The following ZNF16 variants were observed in gnomAD, a reference collection of about 807,000 sequenced individuals.
ZNF16 encodes the protein zinc finger protein 16.
Under a neutral mutation model 9.0 loss-of-function variants are expected in ZNF16, and 7 were observed. The observed-to-expected ratio is 0.78, with a 90% CI of 0.44 to 1.47. The LOEUF is 1.47. Among genes scored for constraint, ZNF16 ranks in the 40% most tolerant of loss-of-function variants. ZNF16 has a pLI of 0.01. For synonymous variants in ZNF16, 312 were observed against 301.5 expected (o/e 1.03, Z -0.36); for missense variants, 830 against 854.2 (o/e 0.97, Z 0.35).
At chr8:144,937,616 TC>T (rs1409941398) in intron 2 of ZNF16, among the ~76,000 whole-genome samples, 4 of 152,178 alleles carry the variant, frequency 2.6e-5, no homozygotes, top group Non-Finnish European at 4.4e-5. Context: ...AGTTGTTAGC[TC>T]TTATATTTAG....
At chr8:144,949,709 G>A (rs964648551) in intron 1 of ZNF16, among the ~76,000 whole-genome samples, 10 of 152,144 alleles carry the variant, frequency 6.6e-5, no homozygotes, top group African/African-American at 1.2e-4. Context: ...AAAAGTCATC[G>A]CCATTCTCCA....
At chr8:144,945,300 G>C (rs150993560) in intron 2 of ZNF16, 3,610 of 152,040 alleles carry the variant, frequency 0.024, 116 homozygotes, top group African/African-American at 0.071. Context: ...CACCACACCT[G>C]GCTAATTTTT....
intron 2 of ZNF16, among the ~76,000 whole-genome samples, chr8:144,943,458 A>T (rs1833850422): frequency 6.6e-6 from 1 of 151,908 alleles, no homozygotes; most frequent in Admixed American, 6.6e-5. Flanking sequence ...TCCTTCTTGA[A>T]CATCCCTACT....
In ZNF16 at chr8:144,930,700, G is replaced by A. The variant is rs766027964; in HGVS notation, c.*38C>T. ...CAATGGCCAAAGAGGAGTTGGAGAGGAAACTATGCTCGGTTTCACTCCTGC... is the reference window on the plus strand; with the variant it reads ...CAATGGCCAAAGAGGAGTTGGAGAGAAAACTATGCTCGGTTTCACTCCTGC... On this transcript the variant is annotated 3_prime_UTR_variant, in exon 3 of 3. Coordinates refer to ENST00000394909, the MANE Select transcript of ZNF16 (RefSeq NM_006958.3). 1 of 1,513,644 alleles carries A rather than the reference G, an allele frequency of 6.6e-7. No homozygotes were observed. Among genetic ancestry groups the A allele is most frequent in the African/African-American group, 1.4e-5 (1 of 71,544 alleles). 93.8% of individuals were successfully genotyped at this position (1,513,644 alleles called of 1,614,324 possible). A position where few individuals can be genotyped will look rare whatever the true frequency, so the allele number is the denominator to read the frequency against.
At chr8:144,939,561 A>G (rs1833754735) in intron 2 of ZNF16, among the ~76,000 whole-genome samples, 1 of 136,572 alleles carries the variant, frequency 7.3e-6, no homozygotes, top group East Asian at 2.2e-4. Flanking sequence ...GTGCCACTGC[A>G]CTCCAGCCTG....
chr8:144,935,138 G>C (rs1482003481), intron 2 of ZNF16, among the ~76,000 whole-genome samples: 1 of 152,062 alleles, frequency 6.6e-6, no homozygotes, highest in Non-Finnish European at 1.5e-5. Context: ...TATAAGAATT[G>C]TGGGGAAAAA....
intron 1 of ZNF16, among the ~76,000 whole-genome samples, chr8:144,947,173 G>C (rs1833977124): frequency 7.1e-6 from 1 of 140,066 alleles, no homozygotes; most frequent in Admixed American, 7.0e-5. Context: ...CCTGCTGTGG[G>C]CCTGTGTCCT....
chr8:144,934,221 T>G (rs1833628433), intron 2 of ZNF16, among the ~76,000 whole-genome samples: 1 of 152,216 alleles, frequency 6.6e-6, no homozygotes, highest in African/African-American at 2.4e-5. Context: ...TGTCTCTTGG[T>G]GACACTTCAT....
At chr8:144,934,367 G>A (rs921076587) in intron 2 of ZNF16, among the ~76,000 whole-genome samples, 41 of 152,366 alleles carry the variant, frequency 2.7e-4, no homozygotes, top group Middle Eastern at 3.4e-3. Flanking sequence ...CTACGTGCCA[G>A]CACACAGATG....
chr8:144,939,626 T>C (rs1833758189), intron 2 of ZNF16, among the ~76,000 whole-genome samples: 1 of 144,118 alleles, frequency 6.9e-6, no homozygotes, highest in Non-Finnish European at 1.5e-5. Context: ...AAAAAAGCCA[T>C]TGTGGTCCTG....
rs770176280 is a variant in ZNF16 at position 144,930,999 on chromosome 8, A to G, written c.1788T>C (p.Thr596=). 1.2e-6 allele frequency: 2 copies of G among 1,614,214 alleles called. No individual in the cohort carries two copies. Among genetic ancestry groups the G allele is most frequent in the Non-Finnish European group, 1.7e-6 (2 of 1,180,036 alleles). ...CAACACAGGTGTAGGGTTTTTCCCCAGTATGAACTTTCTGGTGGTGAATGA... is the reference window on the plus strand; with the variant it reads ...CAACACAGGTGTAGGGTTTTTCCCCGGTATGAACTTTCTGGTGGTGAATGA... ...SNLIHHQKVH[T]GEKPYTCVEC... The change falls in exon 3 of 3, where the codon ACT becomes ACC. Residue 596 remains threonine (T), a synonymous_variant. Transcript: ENST00000394909.
At chr8:144,935,670 C>T (rs1833665339) in intron 2 of ZNF16, among the ~76,000 whole-genome samples, 1 of 152,202 alleles carries the variant, frequency 6.6e-6, no homozygotes, top group South Asian at 2.1e-4. Context: ...GAAGAGGAAA[C>T]ACATCTTTAT....
intron 1 of ZNF16, chr8:144,948,494 TGATGTAATA>T (rs1052275893): frequency 2.6e-5 from 4 of 152,214 alleles, no homozygotes; most frequent in African/African-American, 9.7e-5. Flanking sequence ...ATCCAAGTGG[TGATGTAATA>T]ATCTGCAATA....
chr8:144,934,365 C>T (rs537002433), intron 2 of ZNF16, among the ~76,000 whole-genome samples: 63 of 152,380 alleles, frequency 4.1e-4, no homozygotes, highest in African/African-American at 1.3e-3. Flanking sequence ...CCCTACGTGC[C>T]AGCACACAGA....
chr8:144,946,180 C>T lies in ZNF16; in HGVS notation c.27G>A (p.Glu9=). The stretch of plus-strand genomic sequence containing the variant: ...GAACTGAGAGCTCCATCTCTGCCTC[C>T]TCACGGCGAGTTCTGAGGCTGGGCA... MPSLRTRR[E]EAEMELSVPG... Residue 9 remains glutamate (E), a synonymous_variant, in exon 2 of 3, where the codon GAG becomes GAA. Transcript: ENST00000394909. 6.5e-7 allele frequency: 1 copy of T among 1,536,744 alleles called. No individual in the cohort carries two copies. Among genetic ancestry groups the T allele is most frequent in the Non-Finnish European group, 8.8e-7 (1 of 1,135,020 alleles).
intron 2 of ZNF16, among the ~76,000 whole-genome samples, chr8:144,941,328 C>A (rs1023496103): frequency 2.0e-5 from 3 of 151,956 alleles, no homozygotes; most frequent in Non-Finnish European, 4.4e-5. Context: ...CCTTATTTGT[C>A]ATCTATTTTG....
In ZNF16 at chr8:144,941,905, A is replaced by G. The variant is rs575257417; in HGVS notation, c.196+4106T>C. Among the ~76,000 whole-genome samples, 196 of 144,122 alleles carry G rather than the reference A, an allele frequency of 1.4e-3. 2 individuals are homozygous for G. The highest frequency in any genetic ancestry group is 8.2e-3 in the Middle Eastern group (2 of 244). The allele number at this position is 144,122 out of a possible 152,430, so 94.5% of individuals were successfully genotyped here. On this transcript the variant is annotated intron_variant, in intron 2 of 2. Transcript: ENST00000394909. ...AATCTCCTGACCTCATGATCTGCCC[A>G]CCTCAGCCCCCAAAGTGCTGGGATT...
chr8:144,930,862 G>A lies in ZNF16; in HGVS notation c.1925C>T (p.Ser642Leu), dbSNP rs777518275. 5.8e-5 allele frequency: 93 copies of A among 1,604,528 alleles called. No homozygotes were observed. The highest frequency in any genetic ancestry group is 7.3e-5 in the Non-Finnish European group (86 of 1,174,684). Residue 642 changes from serine (S) to leucine (L), a missense_variant, in exon 3 of 3, where the codon TCG becomes TTG. Physicochemically the swap from Ser to Leu is moderately radical, Grantham distance 145. Coordinates refer to ENST00000394909, the MANE Select transcript of ZNF16 (RefSeq NM_006958.3). ...SECGKAFSQRSVLIQHQRIHT... is the reference protein window; with the variant it reads ...SECGKAFSQRLVLIQHQRIHT... ...AATCCTCTGGTGCTGGATGAGGACC[G>A]AACGCTGACTGAAGGCTTTCCCACA...
In ZNF16 at chr8:144,931,642, C is replaced by T; in HGVS notation, c.1145G>A (p.Cys382Tyr). 6.2e-7 allele frequency: 1 copy of T among 1,614,174 alleles called. No homozygotes were observed. ...TGCACTCTGGCTGAAGGCTTTCCCACACTCGCCACACTCAAAAGGCTTCTC... is the reference window on the plus strand; with the variant it reads ...TGCACTCTGGCTGAAGGCTTTCCCATACTCGCCACACTCAAAAGGCTTCTC... ...TGEKPFECGE[C>Y]GKAFSQSAHL... Residue 382 changes from cysteine (C) to tyrosine (Y), a missense_variant, in exon 3 of 3, where the codon TGT (cysteine) becomes TAT (tyrosine). By Grantham distance (194) the Cys-to-Tyr change is radical. Transcript: ENST00000394909.
Sources: allele counts gnomAD v4.1 joint callset (sites outside exome capture counted in the v4.1 genomes callset), GRCh38; gene constraint gnomAD v4.1.1; transcripts MANE v1.5; gene names NCBI Gene and HGNC (gene_info 2026-07-23, HGNC 2026-07-21).